NOX3: variants seen among roughly 807,000 people sequenced by gnomAD.
NOX3 encodes the protein NADPH oxidase 3.
NOX3 carries 74 observed loss-of-function variants against 76.7 expected under a neutral mutation model. The observed-to-expected ratio is 0.96, with a 90% confidence interval of 0.80 to 1.17. NOX3 has a LOEUF of 1.17. NOX3 is among the 50% of genes most tolerant of loss of function. NOX3 has a pLI of 0.00. For synonymous variants in NOX3, 263 were observed against 261.1 expected (o/e 1.01, Z -0.07); for missense variants, 695 against 703.3 (o/e 0.99, Z 0.13).
At chr6:155,403,648 G>A (rs965198872) in intron 12 of NOX3, among the ~76,000 whole-genome samples, 2 of 152,218 alleles carry the variant, frequency 1.3e-5, no homozygotes, top group Admixed American at 1.3e-4. Flanking sequence ...ATGGCTTCTA[G>A]AAAGGTATGA....
chr6:155,410,455 T>C (rs532649839), intron 11 of NOX3, among the ~76,000 whole-genome samples: 1 of 152,370 alleles, frequency 6.6e-6, no homozygotes, highest in African/African-American at 2.4e-5. Flanking sequence ...GATTAGAATA[T>C]ATATTGTGTA....
At chr6:155,448,587 A>G (rs1777094505) in intron 4 of NOX3, among the ~76,000 whole-genome samples, 1 of 147,798 alleles carries the variant, frequency 6.8e-6, no homozygotes, top group African/African-American at 2.5e-5. Context: ...TGCGCATTTA[A>G]TTGGTATGTG....
intron 2 of NOX3, 45 bp from the exon 3 acceptor site, chr6:155,454,966 G>A (rs769426359): frequency 2.2e-5 from 34 of 1,573,938 alleles, no homozygotes; most frequent in Non-Finnish European, 2.9e-5. Context: ...GGGAAAACAA[G>A]GATCCAGGGA....
chr6:155,452,297 C>T (rs1308197889), intron 4 of NOX3, among the ~76,000 whole-genome samples: 2 of 152,182 alleles, frequency 1.3e-5, no homozygotes, highest in African/African-American at 2.4e-5. Flanking sequence ...TTCATGCATT[C>T]GCTCATTCAT....
intron 10 of NOX3, among the ~76,000 whole-genome samples, chr6:155,412,749 G>A (rs548125119): frequency 1.7e-4 from 26 of 152,114 alleles, no homozygotes; most frequent in African/African-American, 4.1e-4. Context: ...AGGGGCTCAC[G>A]TTCATCCATC....
chr6:155,444,835 C>T (rs1777040435), intron 4 of NOX3, among the ~76,000 whole-genome samples: 1 of 152,160 alleles, frequency 6.6e-6, no homozygotes, highest in Non-Finnish European at 1.5e-5. Flanking sequence ...ACCCCGCAGA[C>T]AAGGAGGGAC....
intron 11 of NOX3, among the ~76,000 whole-genome samples, chr6:155,410,561 C>CTACCA (rs1776529167): frequency 6.6e-6 from 1 of 152,116 alleles, no homozygotes; most frequent in South Asian, 2.1e-4. Flanking sequence ...CATTGAAATA[C>CTACCA]TACCATAGTC....
intron 12 of NOX3, among the ~76,000 whole-genome samples, chr6:155,405,448 A>G (rs1776437235): frequency 6.6e-6 from 1 of 152,132 alleles, no homozygotes; most frequent in South Asian, 2.1e-4. Flanking sequence ...TGGTCATCTC[A>G]TCCAGTTTCA....
chr6:155,411,927 T>G (rs769146841), intron 10 of NOX3, among the ~76,000 whole-genome samples: 10 of 152,200 alleles, frequency 6.6e-5, no homozygotes, highest in Non-Finnish European at 1.5e-4. Flanking sequence ...GTGGCGGCTG[T>G]GCCTGTGTGT....
chr6:155,421,023 C>T (rs1776682452), intron 10 of NOX3, among the ~76,000 whole-genome samples: 2 of 152,228 alleles, frequency 1.3e-5, no homozygotes, highest in Admixed American at 1.3e-4. Context: ...GAACTGCAGG[C>T]AGTATTTCAG....
chr6:155,422,074 G>A (rs1225126178), intron 10 of NOX3, among the ~76,000 whole-genome samples: 1 of 152,178 alleles, frequency 6.6e-6, no homozygotes, highest in Non-Finnish European at 1.5e-5. Flanking sequence ...ATACGGCTTT[G>A]GGTTATCAGG....
At chr6:155,454,586 A>G (rs1249526108) in intron 3 of NOX3, among the ~76,000 whole-genome samples, 1 of 152,196 alleles carries the variant, frequency 6.6e-6, no homozygotes, top group Non-Finnish European at 1.5e-5. Flanking sequence ...CTGTTTAGCA[A>G]TGAGTTGAGT....
intron 12 of NOX3, among the ~76,000 whole-genome samples, chr6:155,401,970 A>C (rs1337737166): frequency 6.6e-6 from 1 of 152,192 alleles, no homozygotes; most frequent in Non-Finnish European, 1.5e-5. Context: ...TTATTCAATT[A>C]ATTAAAAGCA....
intron 4 of NOX3, among the ~76,000 whole-genome samples, chr6:155,452,507 G>A (rs12201558): frequency 0.13 from 19,866 of 152,174 alleles, 1,365 homozygotes; most frequent in Admixed American, 0.2. Context: ...GTTGAAGACA[G>A]TCACTGGGAG....
chr6:155,423,707 ATCT>A lies in NOX3; in HGVS notation c.1146-854_1146-852del, dbSNP rs199934472. On this transcript the variant is annotated intron_variant, in intron 9 of 13. Transcript: ENST00000159060. ...TGCGATACCATTTTCCCTTGGAATA[ATCT>A]TCTCCAGTTTCTGTTCTTTTCTTTT... Among the ~76,000 whole-genome samples the A allele has an allele frequency of 7.3e-5, 11 of 150,858 alleles. No homozygotes were observed. The East Asian group carries it at 1.9e-3, about 27-fold the overall frequency.
intron 10 of NOX3, 29 bp downstream of exon 10, chr6:155,422,665 G>C: frequency 6.2e-7 from 1 of 1,608,806 alleles, no homozygotes; most frequent in Middle Eastern, 1.7e-4. Flanking sequence ...TTTAATCCAT[G>C]GAAGGGTGAA....
chr6:155,396,780 C>A, intron 13 of NOX3, 29 bp downstream of exon 13: 1 of 1,566,694 alleles, frequency 6.4e-7, no homozygotes, highest in Non-Finnish European at 8.7e-7. Flanking sequence ...GTTTCCCAAT[C>A]CCTGACCTGT....
Position 155,429,001 on chromosome 6 carries a change from C to G in NOX3, c.938G>C (p.Arg313Pro), listed in dbSNP as rs140961317. The change falls in exon 9 of 14, where the codon CGT becomes CCT. Residue 313 changes from arginine to proline, a missense_variant. Arg to Pro is a moderately radical substitution (Grantham distance 103). Transcript: ENST00000159060. ...CTGCCCTGGCGCCATTTTAAAGCCA[C>G]GCTTTTTCATGTGAAGTTCCAGGAC... is the stretch of plus-strand genomic sequence containing the variant. ...SGVLELHMKK[R>P]GFKMAPGQYI... 6.2e-7 allele frequency: 1 copy of G among 1,611,104 alleles called. No homozygotes were observed. The highest frequency in any genetic ancestry group is 1.1e-5 in the South Asian group (1 of 90,686).
At chr6:155,449,469 C>A (rs1361200231) in intron 4 of NOX3, among the ~76,000 whole-genome samples, 1 of 151,970 alleles carries the variant, frequency 6.6e-6, no homozygotes, top group Non-Finnish European at 1.5e-5. Flanking sequence ...ATTTTTATAC[C>A]CATGGGGTTA....
Sources: allele counts gnomAD v4.1 joint callset (sites outside exome capture counted in the v4.1 genomes callset), GRCh38; gene constraint gnomAD v4.1.1; transcripts MANE v1.5; gene names NCBI Gene and HGNC (gene_info 2026-07-23, HGNC 2026-07-21).